Variants in MARCHF1 observed in about 807,000 individuals in gnomAD.
MARCHF1 encodes the protein E3 ubiquitin-protein ligase MARCHF1.
In MARCHF1, 40 loss-of-function variants were observed where a neutral mutation model predicts 54.2. That is an observed-to-expected ratio of 0.74 (90% CI 0.57 to 0.96). MARCHF1 has a LOEUF of 0.96. Ranked by LOEUF, MARCHF1 falls within the 40% of genes least tolerant of loss-of-function variation. MARCHF1 has a pLI of 0.00. For missense variants in MARCHF1, 586 were observed against 656.5 expected (o/e 0.89, Z 1.17); for synonymous variants, 236 against 236.3 (o/e 1.00, Z 0.01).
chr4:163,791,955 C>A (rs1310968548), intron 4 of MARCHF1, among the ~76,000 whole-genome samples: 1 of 152,102 alleles, frequency 6.6e-6, no homozygotes, highest in East Asian at 1.9e-4. Flanking sequence ...CCTCAAACTG[C>A]CCAGACAATA....
chr4:163,545,798 C>T, intron 8 of MARCHF1, 55 bp from the exon 9 acceptor site: 1 of 1,549,410 alleles, frequency 6.5e-7, no homozygotes, highest in Admixed American at 1.8e-5. Context: ...AAATTTTGCT[C>T]CTCTTTTATT....
chr4:163,889,021 C>T (rs142266993), intron 3 of MARCHF1, among the ~76,000 whole-genome samples: 154 of 152,106 alleles, frequency 1.0e-3, no homozygotes, highest in African/African-American at 3.6e-3. Context: ...TATACAAGAG[C>T]TATTTGAGCT....
chr4:163,603,883 TC>T (rs1360438863), intron 7 of MARCHF1, among the ~76,000 whole-genome samples: 4 of 152,148 alleles, frequency 2.6e-5, no homozygotes, highest in African/African-American at 9.6e-5. Context: ...TTCCAAATCT[TC>T]AAAGGCTCTC....
Position 163,527,303 on chromosome 4 carries a change from T to C in MARCHF1, c.*1445A>G, listed in dbSNP as rs976921707. 1 of 152,076 alleles carries C rather than the reference T, an allele frequency of 6.6e-6. No homozygotes were observed. 9.4% of individuals were successfully genotyped at this position (152,076 alleles called of 1,614,324 possible). A position where few individuals can be genotyped will look rare whatever the true frequency, so the allele number is the denominator to read the frequency against. ...TTATCACAGAATCTGTTGAATATTT[T>C]TGTTTTCTAACTGAGCAAGGGAAAT... On this transcript the variant is annotated 3_prime_UTR_variant, in exon 10 of 10. Transcript: ENST00000514618.
intron 1 of MARCHF1, among the ~76,000 whole-genome samples, chr4:164,114,002 A>G (rs1055427768): frequency 6.6e-6 from 1 of 152,022 alleles, no homozygotes; most frequent in Non-Finnish European, 1.5e-5. Context: ...TTCCATTATA[A>G]TAGGGTCAAA....
intron 1 of MARCHF1, among the ~76,000 whole-genome samples, chr4:164,226,222 T>C (rs1031002376): frequency 5.3e-5 from 8 of 151,938 alleles, no homozygotes; most frequent in African/African-American, 1.9e-4. Context: ...GACTAATTAA[T>C]TACTGAGAAA....
chr4:164,196,964 G>C lies in MARCHF1; in HGVS notation c.-322-85302C>G, dbSNP rs373282663. 185 of 1,600,436 alleles carry C rather than the reference G, an allele frequency of 1.2e-4. 1 individual carries two copies. In the African/African-American group the frequency reaches 2.3e-3, roughly 20 times the overall value. On this transcript the variant is annotated intron_variant, in intron 1 of 9. Coordinates refer to ENST00000514618, the MANE Select transcript of MARCHF1 (RefSeq NM_001394959.1). ...TCACAATAGGAATTTTTCAAAATAGGTTATTCTACTTAGTCATCATCTTCT... is the reference window on the plus strand; with the variant it reads ...TCACAATAGGAATTTTTCAAAATAGCTTATTCTACTTAGTCATCATCTTCT...
chr4:164,131,744 T>C (rs1487964919), intron 1 of MARCHF1, among the ~76,000 whole-genome samples: 1 of 152,126 alleles, frequency 6.6e-6, no homozygotes. Context: ...CTTATGGATA[T>C]ACTATGAAAC....
intron 4 of MARCHF1, among the ~76,000 whole-genome samples, chr4:163,813,273 G>C (rs1748444179): frequency 6.6e-6 from 1 of 152,150 alleles, no homozygotes; most frequent in South Asian, 2.1e-4. Context: ...ACCCATATTT[G>C]TCTTAACTCA....
intron 8 of MARCHF1, among the ~76,000 whole-genome samples, chr4:163,571,710 T>G (rs1399068307): frequency 2.6e-5 from 4 of 152,156 alleles, no homozygotes; most frequent in Non-Finnish European, 5.9e-5. Flanking sequence ...TTTCTTAGGT[T>G]AACTAAACTG....
chr4:164,220,407 T>TTA lies in MARCHF1; in HGVS notation c.-322-108747_-322-108746dup, dbSNP rs765217805. Among the ~76,000 whole-genome samples, 9 of 146,888 alleles carry TTA rather than the reference T, an allele frequency of 6.1e-5. No homozygotes were observed. In the East Asian group the frequency reaches 1.4e-3, roughly 23 times the overall value. On this transcript the variant is annotated intron_variant, in intron 1 of 9. Transcript: ENST00000514618. ...TTCCTATGTATATAGGAATTCCATT[T>TTA]TATATATATATGTATAAAATTCCTA...
At chr4:163,707,810 A>T (rs929947954) in intron 4 of MARCHF1, among the ~76,000 whole-genome samples, 1 of 147,546 alleles carries the variant, frequency 6.8e-6, no homozygotes, top group African/African-American at 2.5e-5. Flanking sequence ...AAAAAAAAAG[A>T]ATCCCAGCAA....
intron 1 of MARCHF1, among the ~76,000 whole-genome samples, chr4:164,220,899 A>T (rs999672666): frequency 4.7e-4 from 72 of 151,712 alleles, no homozygotes; most frequent in African/African-American, 1.7e-3. Flanking sequence ...AGTAGTAGAC[A>T]GTAGTAGACA....
chr4:164,349,727 A>G (rs1387285200), intron 1 of MARCHF1, among the ~76,000 whole-genome samples: 1 of 152,200 alleles, frequency 6.6e-6, no homozygotes, highest in Non-Finnish European at 1.5e-5. Flanking sequence ...TACCTATAAA[A>G]GAATGTAATA....
At chr4:164,289,585 GAAA>G (rs71600697) in intron 1 of MARCHF1, among the ~76,000 whole-genome samples, 13,349 of 131,098 alleles carry the variant, frequency 0.1, 790 homozygotes, top group Middle Eastern at 0.19. Context: ...TACTTAGATG[GAAA>G]AAAAAAAAAA....
intron 1 of MARCHF1, among the ~76,000 whole-genome samples, chr4:164,300,352 T>C (rs1734523552): frequency 6.6e-6 from 1 of 152,132 alleles, no homozygotes; most frequent in Non-Finnish European, 1.5e-5. Flanking sequence ...GCTTTTAAGA[T>C]ACCCAAAGAT....
At chr4:164,202,228 C>G (rs1024036717) in intron 1 of MARCHF1, among the ~76,000 whole-genome samples, 1 of 152,108 alleles carries the variant, frequency 6.6e-6, no homozygotes, top group South Asian at 2.1e-4. Context: ...TTAGATGATT[C>G]GAAGGATGAA....
intron 2 of MARCHF1, among the ~76,000 whole-genome samples, chr4:164,053,398 G>A (rs1012437952): frequency 6.6e-6 from 1 of 152,110 alleles, no homozygotes; most frequent in African/African-American, 2.4e-5. Flanking sequence ...CTCATTCTAA[G>A]ATGCCATGTT....
At chr4:164,110,215 T>G (rs1755805715) in intron 2 of MARCHF1, among the ~76,000 whole-genome samples, 1 of 151,582 alleles carries the variant, frequency 6.6e-6, no homozygotes, top group African/African-American at 2.4e-5. Context: ...TTGAATGAGG[T>G]TTTTTTAGGG....
Sources: allele counts gnomAD v4.1 joint callset (sites outside exome capture counted in the v4.1 genomes callset), GRCh38; gene constraint gnomAD v4.1.1; transcripts MANE v1.5; gene names NCBI Gene and HGNC (gene_info 2026-07-23, HGNC 2026-07-21).